RANBP9: variants seen among roughly 807,000 people sequenced by gnomAD.
The protein encoded by RANBP9 is RAN binding protein 9.
A neutral mutation model predicts 84.3 loss-of-function variants in RANBP9; 15 were observed. That is an observed-to-expected ratio of 0.18 (90% CI 0.12 to 0.27). RANBP9 has a LOEUF of 0.27. Among genes scored for constraint, RANBP9 ranks in the 10% least tolerant of loss-of-function variants. The pLI, the probability that RANBP9 is intolerant of heterozygous loss-of-function variation, is 1.00. For synonymous variants in RANBP9, 392 were observed against 349.6 expected, an observed-to-expected ratio of 1.12 and a Z score of -1.35; for missense variants, 809 against 912.8, an observed-to-expected ratio of 0.89 and a Z score of 1.46.
At position 13,671,636 on chromosome 6, in the gene RANBP9, G is replaced by A. The variant is rs1765780594; in HGVS notation, c.684-12804C>T. 2.0e-5 allele frequency among the ~76,000 whole-genome samples: 3 copies of A among 152,116 alleles called. No individual in the cohort carries two copies. The South Asian group carries it at 6.2e-4, about 31-fold the overall frequency. On this transcript the variant is annotated intron_variant, in intron 2 of 13. Coordinates refer to ENST00000011619, the MANE Select transcript of RANBP9 (RefSeq NM_005493.3). ...ATAGTTAGTTGCTGCCTGGAACTGG[G>A]AGGAGTGAGTGTTTTGGGGTTCCTT...
chr6:13,689,374 G>A (rs916720694), intron 2 of RANBP9, among the ~76,000 whole-genome samples: 35 of 151,430 alleles, frequency 2.3e-4, no homozygotes, highest in African/African-American at 4.9e-4. Flanking sequence ...GGGTTCAAGC[G>A]ATTCTTCTGC....
intron 3 of RANBP9, 111 bp downstream of exon 3, chr6:13,658,669 T>C: frequency 1.0e-6 from 1 of 962,178 alleles, no homozygotes; most frequent in Non-Finnish European, 1.6e-6. Flanking sequence ...ATAATGATGA[T>C]TAAAAACACA....
intron 4 of RANBP9, among the ~76,000 whole-genome samples, chr6:13,655,904 C>G (rs750504066): frequency 6.6e-6 from 1 of 152,122 alleles, no homozygotes; most frequent in Non-Finnish European, 1.5e-5. Flanking sequence ...ACAATGAAAC[C>G]ACACACAAAT....
intron 2 of RANBP9, among the ~76,000 whole-genome samples, chr6:13,668,940 A>T (rs951901873): frequency 6.6e-6 from 1 of 152,178 alleles, no homozygotes; most frequent in African/African-American, 2.4e-5. Context: ...GCAAGAAATA[A>T]GCATCCTCTA....
In RANBP9 at chr6:13,635,043, G is replaced by A. The variant is rs761350390; in HGVS notation, c.1674-491C>T. Among the ~76,000 whole-genome samples, 23 of 152,256 alleles carry A rather than the reference G, an allele frequency of 1.5e-4. No individual in the cohort carries two copies. The South Asian group carries it at 1.9e-3, about 12-fold the overall frequency. Reference sequence around the variant, plus strand: ...CTCATACTCAATCCACTCCTAGGCTGTTTTTAAATAGCATTCTGGCATTTG... The same window carrying A: ...CTCATACTCAATCCACTCCTAGGCTATTTTTAAATAGCATTCTGGCATTTG... On this transcript the variant is annotated intron_variant, in intron 10 of 13. Transcript: ENST00000011619.
Position 13,711,636 on chromosome 6 carries a change from C to G in RANBP9, c.-131G>C. 1.1e-6 allele frequency: 1 copy of G among 889,286 alleles called. No individual in the cohort carries two copies. Among genetic ancestry groups the G allele is most frequent in the Non-Finnish European group, 1.4e-6 (1 of 692,534 alleles). The allele number at this position is 889,286 out of a possible 1,614,324, so 55.1% of individuals were successfully genotyped here. The stretch of plus-strand genomic sequence containing the variant: ...CCCGCCCCGGAAGCAGGCGGCGGGC[C>G]GCGCGCCCAGGGAGACCGCGGCGGT... On this transcript the variant is annotated 5_prime_UTR_variant, in exon 1 of 14. Transcript: ENST00000011619.
At chr6:13,694,809 T>A (rs971626190) in intron 2 of RANBP9, among the ~76,000 whole-genome samples, 3 of 152,182 alleles carry the variant, frequency 2.0e-5, no homozygotes, top group African/African-American at 7.2e-5. Context: ...CTTTAGTCAC[T>A]GAGTAGCCCT....
intron 4 of RANBP9, among the ~76,000 whole-genome samples, chr6:13,652,932 T>A (rs1042214296): frequency 1.3e-5 from 2 of 152,162 alleles, no homozygotes; most frequent in East Asian, 3.8e-4. Context: ...GCTGCCATTG[T>A]CTCCAGGATT....
chr6:13,701,106 C>A (rs999658178), intron 1 of RANBP9, among the ~76,000 whole-genome samples: 12 of 152,130 alleles, frequency 7.9e-5, no homozygotes, highest in African/African-American at 2.9e-4. Flanking sequence ...TTTTTTCTCC[C>A]TTTTTCCTCT....
At chr6:13,700,153 A>C (rs1337634251) in intron 1 of RANBP9, among the ~76,000 whole-genome samples, 2 of 152,234 alleles carry the variant, frequency 1.3e-5, no homozygotes, top group South Asian at 4.1e-4. Flanking sequence ...AGCTCTTTTT[A>C]TTCAAACAAT....
chr6:13,696,996 T>A (rs1757844680), intron 1 of RANBP9, 100 bp from the exon 2 acceptor site: 1 of 942,670 alleles, frequency 1.1e-6, no homozygotes, highest in African/African-American at 1.6e-5. Flanking sequence ...TGGAATGATG[T>A]ATTATTTCTG....
intron 2 of RANBP9, among the ~76,000 whole-genome samples, chr6:13,673,400 G>C (rs544168488): frequency 6.6e-6 from 1 of 152,198 alleles, no homozygotes; most frequent in Non-Finnish European, 1.5e-5. Context: ...AATGTTACAC[G>C]TTCTTCAGAG....
At chr6:13,694,008 A>T (rs1469024650) in intron 2 of RANBP9, among the ~76,000 whole-genome samples, 2 of 152,156 alleles carry the variant, frequency 1.3e-5, no homozygotes, top group Non-Finnish European at 2.9e-5. Context: ...GCACCACTGT[A>T]CTCCAGCCTG....
At chr6:13,705,142 G>A (rs1308088587) in intron 1 of RANBP9, among the ~76,000 whole-genome samples, 2 of 152,050 alleles carry the variant, frequency 1.3e-5, no homozygotes, top group South Asian at 2.1e-4. Flanking sequence ...AGTGGTTCAC[G>A]CCTATAATCC....
At chr6:13,703,259 T>C (rs951084446) in intron 1 of RANBP9, among the ~76,000 whole-genome samples, 4 of 152,216 alleles carry the variant, frequency 2.6e-5, no homozygotes, top group South Asian at 2.1e-4. Flanking sequence ...CTTTCAATGT[T>C]GGTGTTCTTC....
Position 13,639,747 on chromosome 6 carries a change from A to T in RANBP9, c.1341T>A (p.Arg447=), listed in dbSNP as rs779637854. The change falls in exon 9 of 14, where the codon CGT becomes CGA. Residue 447 remains arginine (R), a synonymous_variant. Coordinates refer to ENST00000011619, the MANE Select transcript of RANBP9 (RefSeq NM_005493.3). ...TACCATTCACCATTTCTATAAACTG[A>T]CGCACTCTAAAGGAGAAAAGAAAAA... The part of the protein sequence containing the change: ...NPNLLFTLKV[R]QFIEMVNGTD... 6.2e-7 allele frequency: 1 copy of T among 1,613,356 alleles called. No individual in the cohort carries two copies. The highest frequency in any genetic ancestry group is 1.1e-5 in the South Asian group (1 of 91,022).
chr6:13,689,166 C>A (rs1766267058), intron 2 of RANBP9, among the ~76,000 whole-genome samples: 1 of 151,446 alleles, frequency 6.6e-6, no homozygotes, highest in Non-Finnish European at 1.5e-5. Flanking sequence ...CAAACAAAAA[C>A]AAAACAAAAC....
chr6:13,703,420 T>G (rs951131735), intron 1 of RANBP9, among the ~76,000 whole-genome samples: 1 of 152,218 alleles, frequency 6.6e-6, no homozygotes, highest in African/African-American at 2.4e-5. Flanking sequence ...TATGGTTAAC[T>G]GCCAACCCTT....
chr6:13,674,229 A>T (rs1765838093), intron 2 of RANBP9, among the ~76,000 whole-genome samples: 1 of 152,206 alleles, frequency 6.6e-6, no homozygotes. Flanking sequence ...GACAGAACTG[A>T]CAAGAGTGAA....
Sources: gnomAD v4.1 joint callset for allele counts (sites outside exome capture counted in the v4.1 genomes callset) on GRCh38, gnomAD v4.1.1 for gene constraint, MANE v1.5 for transcripts, NCBI Gene and HGNC (gene_info 2026-07-23, HGNC 2026-07-21) for gene names.